HSPBAP1: variants seen among roughly 807,000 people sequenced by gnomAD.
HSPBAP1 encodes HSPB1-associated protein 1.
In HSPBAP1, 27 loss-of-function variants were observed where a neutral mutation model predicts 45.2. The observed-to-expected ratio is 0.60, with a 90% CI of 0.44 to 0.82. The LOEUF (loss-of-function observed/expected upper bound fraction) is 0.82. Among genes scored for constraint, HSPBAP1 ranks in the 40% least tolerant of loss-of-function variants. The pLI is 0.00. For missense variants in HSPBAP1, 510 were observed against 590.9 expected, an observed-to-expected ratio of 0.86 and a Z score of 1.42; for synonymous variants, 204 against 202.7, an observed-to-expected ratio of 1.01 and a Z score of -0.06.
chr3:122,746,801 C>T lies in HSPBAP1; in HGVS notation c.826-5688G>A, dbSNP rs575711866. 7.9e-5 allele frequency among the ~76,000 whole-genome samples: 12 copies of T among 152,254 alleles called. No individual in the cohort carries two copies. In the South Asian group the frequency reaches 8.3e-4, roughly 11 times the overall value. ...CCGAGTGCCTGCGATTGCAGGCGCG[C>T]GCCGCCACGCCTGGCTGGTTTTCGT... On this transcript the variant is annotated intron_variant, in intron 6 of 7. Transcript: ENST00000306103.
At chr3:122,763,909 C>T (rs933290312) in intron 3 of HSPBAP1, among the ~76,000 whole-genome samples, 1 of 152,254 alleles carries the variant, frequency 6.6e-6, no homozygotes, top group Non-Finnish European at 1.5e-5. Flanking sequence ...CCTGTCCAAT[C>T]TCCCCACTGA....
intron 3 of HSPBAP1, among the ~76,000 whole-genome samples, chr3:122,763,488 T>A (rs548997236): frequency 1.3e-5 from 2 of 152,292 alleles, no homozygotes; most frequent in East Asian, 3.9e-4. Flanking sequence ...ATACTATTAG[T>A]ACACTTTGGT....
chr3:122,752,363 T>C (rs1254525967), intron 6 of HSPBAP1, among the ~76,000 whole-genome samples: 1 of 152,180 alleles, frequency 6.6e-6, no homozygotes, highest in Non-Finnish European at 1.5e-5. Context: ...AGGCGCATTC[T>C]GTGTCCTTAA....
intron 3 of HSPBAP1, among the ~76,000 whole-genome samples, chr3:122,760,912 G>T (rs1392592271): frequency 2.0e-5 from 3 of 152,094 alleles, no homozygotes; most frequent in African/African-American, 2.4e-5. Context: ...GGGTGCTGGG[G>T]ATACAAAAAT....
chr3:122,752,486 G>T, intron 6 of HSPBAP1, 105 bp downstream of exon 6: 1 of 637,752 alleles, frequency 1.6e-6, no homozygotes, highest in Non-Finnish European at 2.6e-6. Flanking sequence ...CTGAAGCATT[G>T]GTTAAAAAAA....
At chr3:122,752,412 A>C (rs1187272644) in intron 6 of HSPBAP1, among the ~76,000 whole-genome samples, 179 bp downstream of exon 6, 1 of 152,194 alleles carries the variant, frequency 6.6e-6, no homozygotes, top group East Asian at 1.9e-4. Context: ...TCCAATTTCC[A>C]ACCTAAACAT....
rs1560155602 is a variant in HSPBAP1 at position 122,778,224 on chromosome 3, T to TTTG, written c.65-319_65-318insCAA. ...ACAGGTAGTTTTTTTTGTTGTTTTTTTTTTTTAATGTGTATAGTGTTTTCC... is the reference window on the plus strand; with the variant it reads ...ACAGGTAGTTTTTTTTGTTGTTTTTTTTGTTTTTTAATGTGTATAGTGTTTTCC... On this transcript the variant is annotated intron_variant, in intron 1 of 7. Transcript: ENST00000306103. 1.6e-4 allele frequency among the ~76,000 whole-genome samples: 24 copies of TTTG among 151,256 alleles called. 1 individual carries two copies. Among genetic ancestry groups the TTTG allele is most frequent in the Non-Finnish European group, 3.4e-4 (23 of 67,832 alleles).
chr3:122,759,926 T>C (rs1002143861), intron 3 of HSPBAP1, among the ~76,000 whole-genome samples: 7 of 152,176 alleles, frequency 4.6e-5, no homozygotes, highest in Non-Finnish European at 1.0e-4. Flanking sequence ...ATTAGTGGGG[T>C]TACTTAAAAC....
intron 3 of HSPBAP1, among the ~76,000 whole-genome samples, chr3:122,762,234 C>G (rs1934618294): frequency 6.6e-6 from 1 of 151,838 alleles, no homozygotes; most frequent in Non-Finnish European, 1.5e-5. Flanking sequence ...CCAAAAATTG[C>G]TATTTTTATC....
chr3:122,773,303 GTTTTTT>G (rs36065763), intron 2 of HSPBAP1, among the ~76,000 whole-genome samples: 2 of 84,422 alleles, frequency 2.4e-5, no homozygotes, highest in Admixed American at 1.6e-4. Flanking sequence ...AAATAAATGT[GTTTTTT>G]TTTTTTTTTT....
chr3:122,747,096 A>G (rs183219561), intron 6 of HSPBAP1, among the ~76,000 whole-genome samples: 24,359 of 148,960 alleles, frequency 0.16, 2,010 homozygotes, highest in African/African-American at 0.2. Context: ...AGTGAGGAGC[A>G]TCTCTGCCTG....
At chr3:122,775,252 T>C (rs1935151026) in intron 2 of HSPBAP1, among the ~76,000 whole-genome samples, 1 of 152,114 alleles carries the variant, frequency 6.6e-6, no homozygotes, top group Non-Finnish European at 1.5e-5. Context: ...ATATACTTAA[T>C]AAGGGTAGTA....
intron 1 of HSPBAP1, among the ~76,000 whole-genome samples, chr3:122,789,377 A>G (rs1935752846): frequency 6.6e-6 from 1 of 152,260 alleles, no homozygotes; most frequent in Non-Finnish European, 1.5e-5. Flanking sequence ...TTTGAAAGAT[A>G]GAATCACACT....
intron 3 of HSPBAP1, among the ~76,000 whole-genome samples, chr3:122,765,168 A>G (rs7630740): frequency 0.68 from 103,647 of 152,124 alleles, 36,006 homozygotes; most frequent in Non-Finnish European, 0.77. Context: ...TAAGGAAAAA[A>G]AGACTCAGAC....
At chr3:122,748,069 T>A (rs1343927824) in intron 6 of HSPBAP1, among the ~76,000 whole-genome samples, 1 of 152,364 alleles carries the variant, frequency 6.6e-6, no homozygotes, top group East Asian at 1.9e-4. Flanking sequence ...ATCCTGTTGA[T>A]CTGTGACTTT....
At chr3:122,770,255 C>A (rs1445279722) in intron 2 of HSPBAP1, among the ~76,000 whole-genome samples, 1 of 152,152 alleles carries the variant, frequency 6.6e-6, no homozygotes, top group East Asian at 1.9e-4. Context: ...AACTTGTCAC[C>A]TCACTTTGAG....
intron 1 of HSPBAP1, among the ~76,000 whole-genome samples, chr3:122,789,477 CTTAA>C (rs530063748): frequency 6.6e-6 from 1 of 152,162 alleles, no homozygotes; most frequent in Non-Finnish European, 1.5e-5. Flanking sequence ...TAAATTAATT[CTTAA>C]TTAACAATAA....
rs1249439070 is a variant in HSPBAP1, at chr3:122,780,129, G to A, written c.65-2223C>T. ...CCTCCCGGACGGGGCGGCTGGCCGGGCGGGGAGCTGACCCCCCCACCTCCC... is the reference window on the plus strand; with the variant it reads ...CCTCCCGGACGGGGCGGCTGGCCGGACGGGGAGCTGACCCCCCCACCTCCC... On this transcript the variant is annotated intron_variant, in intron 1 of 7. Coordinates refer to ENST00000306103, the MANE Select transcript of HSPBAP1 (RefSeq NM_024610.6). Among the ~76,000 whole-genome samples the A allele has an allele frequency of 3.2e-4, 43 of 135,568 alleles. 1 individual carries two copies. Among genetic ancestry groups the A allele is most frequent in the African/African-American group, 1.1e-3 (43 of 38,220 alleles). The allele number at this position is 135,568 out of a possible 152,430, so 88.9% of individuals were successfully genotyped here.
At chr3:122,765,626 G>A (rs1440556824) in intron 3 of HSPBAP1, among the ~76,000 whole-genome samples, 1 of 150,546 alleles carries the variant, frequency 6.6e-6, no homozygotes, top group African/African-American at 2.4e-5. Flanking sequence ...AAATACATGA[G>A]CCTGAAAGCT....
Sources: gnomAD v4.1 joint callset for allele counts (sites outside exome capture counted in the v4.1 genomes callset) on GRCh38, gnomAD v4.1.1 for gene constraint, MANE v1.5 for transcripts, NCBI Gene and HGNC (gene_info 2026-07-23, HGNC 2026-07-21) for gene names.